Variants in PIP5K1B observed in about 807,000 individuals in gnomAD.
PIP5K1B encodes phosphatidylinositol 4-phosphate 5-kinase type-1 beta.
In PIP5K1B, 42 loss-of-function variants were observed where a neutral mutation model predicts 67.0. That is an observed-to-expected ratio of 0.63 (90% CI 0.49 to 0.81). PIP5K1B has a LOEUF of 0.81. PIP5K1B is among the 30% of genes least tolerant of loss of function. The probability of loss-of-function intolerance (pLI) is 0.00; values close to 1 mark genes in which losing one functional copy is unlikely to be tolerated. For missense variants in PIP5K1B, 459 were observed against 646.3 expected, an observed-to-expected ratio of 0.71 and a Z score of 3.14; for synonymous variants, 214 against 231.4, an observed-to-expected ratio of 0.92 and a Z score of 0.68.
chr9:68,946,518 G>A lies in PIP5K1B; in HGVS notation c.1502+5728G>A, dbSNP rs761119623. On this transcript the variant is annotated intron_variant, in intron 14 of 15. Transcript: ENST00000265382. The stretch of plus-strand genomic sequence containing the variant: ...AGCAATTCCCCTACCTCAGCCTCCC[G>A]AGTAGCTGGGACTACAGGTGCGTGC... 3.0e-4 allele frequency among the ~76,000 whole-genome samples: 46 copies of A among 151,720 alleles called. 1 individual carries two copies. The highest frequency in any genetic ancestry group is 5.7e-4 in the Non-Finnish European group (39 of 67,936).
At chr9:68,855,383 A>G (rs1262714803) in intron 4 of PIP5K1B, among the ~76,000 whole-genome samples, 2 of 152,152 alleles carry the variant, frequency 1.3e-5, no homozygotes, top group East Asian at 1.9e-4. Flanking sequence ...TATCATTTAT[A>G]TGCTAACAAC....
At chr9:68,987,116 G>T (rs1830125700) in intron 14 of PIP5K1B, among the ~76,000 whole-genome samples, 2 of 152,048 alleles carry the variant, frequency 1.3e-5, no homozygotes, top group Non-Finnish European at 2.9e-5. Context: ...GCTGGGTGGG[G>T]TGGCATACGC....
intron 2 of PIP5K1B, chr9:68,789,274 G>T: frequency 4.7e-6 from 2 of 428,874 alleles, no homozygotes; most frequent in South Asian, 2.1e-5. Flanking sequence ...TTTTCTTTGA[G>T]GATATTTGAC....
intron 5 of PIP5K1B, among the ~76,000 whole-genome samples, chr9:68,869,965 C>T (rs1823552043): frequency 6.6e-6 from 1 of 152,144 alleles, no homozygotes; most frequent in African/African-American, 2.4e-5. Flanking sequence ...GTGACTGCTG[C>T]TGGGCAAGCC....
chr9:68,903,682 T>C (rs903345183), intron 8 of PIP5K1B, among the ~76,000 whole-genome samples: 1 of 152,200 alleles, frequency 6.6e-6, no homozygotes, highest in African/African-American at 2.4e-5. Context: ...TGCAAGATAG[T>C]GTCAGGGTAG....
chr9:68,795,150 T>A (rs752124611), intron 2 of PIP5K1B, among the ~76,000 whole-genome samples: 4 of 150,196 alleles, frequency 2.7e-5, no homozygotes, highest in East Asian at 1.9e-4. Flanking sequence ...TGTGTGTGTG[T>A]GAGAGAGAGA....
At chr9:68,762,678 C>T (rs764896771) in intron 2 of PIP5K1B, among the ~76,000 whole-genome samples, 14 of 152,200 alleles carry the variant, frequency 9.2e-5, no homozygotes, top group Non-Finnish European at 1.9e-4. Context: ...ATTATTTAGA[C>T]TTGCACTTAT....
At chr9:68,925,823 G>T (rs1381211690) in intron 12 of PIP5K1B, among the ~76,000 whole-genome samples, 19 of 3,824 alleles carry the variant, frequency 5.0e-3, no homozygotes, top group Admixed American at 0.03. Context: ...TTTGAGACAG[G>T]GTCTCACTCT....
intron 2 of PIP5K1B, chr9:68,788,598 G>A (rs770426708): frequency 8.3e-6 from 2 of 241,596 alleles, no homozygotes; most frequent in Non-Finnish European, 1.6e-5. Flanking sequence ...AAGACCCATG[G>A]TCTTCCTTAA....
chr9:68,784,886 G>A (rs1048817729), intron 2 of PIP5K1B, among the ~76,000 whole-genome samples: 6 of 152,284 alleles, frequency 3.9e-5, no homozygotes, highest in African/African-American at 1.4e-4. Context: ...GGGTTTAGGA[G>A]TATGGAGGTA....
intron 5 of PIP5K1B, among the ~76,000 whole-genome samples, chr9:68,874,223 T>C (rs1258077210): frequency 1.3e-5 from 2 of 152,246 alleles, no homozygotes; most frequent in Non-Finnish European, 2.9e-5. Context: ...TAGGTAAGCC[T>C]GCCTCACAGT....
intron 2 of PIP5K1B, among the ~76,000 whole-genome samples, chr9:68,753,094 A>G (rs1383928225): frequency 6.6e-6 from 1 of 152,134 alleles, no homozygotes; most frequent in Non-Finnish European, 1.5e-5. Flanking sequence ...ATTTTCCAAA[A>G]TGAATAGCCA....
chr9:68,860,961 G>A (rs113757628), intron 4 of PIP5K1B, among the ~76,000 whole-genome samples: 1 of 152,134 alleles, frequency 6.6e-6, no homozygotes, highest in South Asian at 2.1e-4. Flanking sequence ...AGGATAAAAG[G>A]CTTAATATAA....
At chr9:68,748,614 T>C (rs35298102) in intron 2 of PIP5K1B, among the ~76,000 whole-genome samples, 16 of 1,326 alleles carry the variant, frequency 0.012, no homozygotes, top group Non-Finnish European at 0.033. Flanking sequence ...ATTTCTTTTC[T>C]TTTTTTTTTT....
intron 5 of PIP5K1B, among the ~76,000 whole-genome samples, chr9:68,876,304 T>C (rs1823895699): frequency 6.6e-6 from 1 of 152,178 alleles, no homozygotes; most frequent in Non-Finnish European, 1.5e-5. Context: ...AAATTCGTGG[T>C]TAAAAAAATG....
At chr9:69,004,469 A>T (rs539981396) in intron 15 of PIP5K1B, among the ~76,000 whole-genome samples, 1 of 152,214 alleles carries the variant, frequency 6.6e-6, no homozygotes, top group African/African-American at 2.4e-5. Context: ...GAGGAACTTC[A>T]CCACAGTTAG....
At chr9:68,983,155 T>G (rs921771309) in intron 14 of PIP5K1B, among the ~76,000 whole-genome samples, 1 of 152,218 alleles carries the variant, frequency 6.6e-6, no homozygotes, top group Non-Finnish European at 1.5e-5. Flanking sequence ...CTATAGCACT[T>G]GCAAAGGTCA....
intron 1 of PIP5K1B, among the ~76,000 whole-genome samples, chr9:68,724,229 T>A (rs1233204575): frequency 1.1e-5 from 1 of 87,802 alleles, no homozygotes; most frequent in Non-Finnish European, 2.1e-5. Context: ...TGTCTGTGTT[T>A]TTTTTGGGTT....
chr9:68,915,688 T>C (rs1294144741), intron 8 of PIP5K1B, among the ~76,000 whole-genome samples: 1 of 152,234 alleles, frequency 6.6e-6, no homozygotes, highest in Non-Finnish European at 1.5e-5. Context: ...CAAGCCATTC[T>C]TAGATCACTT....
Sources: gnomAD v4.1 joint callset for allele counts (sites outside exome capture counted in the v4.1 genomes callset) on GRCh38, gnomAD v4.1.1 for gene constraint, MANE v1.5 for transcripts, NCBI Gene and HGNC (gene_info 2026-07-23, HGNC 2026-07-21) for gene names.